Variants in RABGAP1L observed in about 807,000 individuals in gnomAD.
RABGAP1L encodes RAB GTPase activating protein 1 like, also known as rab GTPase-activating protein 1-like.
RABGAP1L carries 63 observed loss-of-function variants against 137.7 expected under a neutral mutation model. That is an observed-to-expected ratio of 0.46 (90% CI 0.37 to 0.56). The LOEUF (loss-of-function observed/expected upper bound fraction) is 0.56, where lower values mean the gene tolerates loss of function less well. RABGAP1L is among the 20% of genes least tolerant of loss of function. RABGAP1L has a pLI of 0.00. For synonymous variants in RABGAP1L, 431 were observed against 433.7 expected, an observed-to-expected ratio of 0.99 and a Z score of 0.08; for missense variants, 1,095 against 1,244.0, an observed-to-expected ratio of 0.88 and a Z score of 1.80.
chr1:174,575,781 G>T (rs1435852433), intron 13 of RABGAP1L, among the ~76,000 whole-genome samples: 3 of 152,158 alleles, frequency 2.0e-5, no homozygotes, highest in Non-Finnish European at 4.4e-5. Context: ...AGATCGGCAG[G>T]TCGATAAATA....
At chr1:174,511,376 T>A (rs1053423678) in intron 13 of RABGAP1L, among the ~76,000 whole-genome samples, 1 of 152,200 alleles carries the variant, frequency 6.6e-6, no homozygotes, top group African/African-American at 2.4e-5. Context: ...GGCTCATAGG[T>A]ATTGCTGAAT....
chr1:174,689,970 A>T (rs571132741), intron 15 of RABGAP1L, among the ~76,000 whole-genome samples: 1 of 152,306 alleles, frequency 6.6e-6, no homozygotes, highest in East Asian at 1.9e-4. Context: ...CTTCCAAATC[A>T]CTTTTCCTTC....
At chr1:174,834,781 T>C (rs1692562428) in intron 19 of RABGAP1L, among the ~76,000 whole-genome samples, 1 of 152,136 alleles carries the variant, frequency 6.6e-6, no homozygotes. Context: ...AGCAATACTA[T>C]ATTGCAAGGC....
At chr1:174,913,957 T>C (rs966739514) in intron 19 of RABGAP1L, among the ~76,000 whole-genome samples, 20 of 152,340 alleles carry the variant, frequency 1.3e-4, no homozygotes, top group African/African-American at 4.8e-4. Context: ...CCAGGATAGA[T>C]TTCCCAGCAT....
rs746568820 is a variant in RABGAP1L at position 174,305,165 on chromosome 1, T to C, written c.1465+38T>C. 2.4e-5 allele frequency: 35 copies of C among 1,475,730 alleles called. 1 individual carries two copies. In the South Asian group the frequency reaches 4.9e-4, roughly 21 times the overall value. 91.4% of individuals were successfully genotyped at this position (1,475,730 alleles called of 1,614,324 possible). A position where few individuals can be genotyped will look rare whatever the true frequency, so the allele number is the denominator to read the frequency against. On this transcript the variant is annotated intron_variant, in intron 11 of 25. Coordinates refer to ENST00000681986, the MANE Select transcript of RABGAP1L (RefSeq NM_001366446.1). ...ACTTACTCAGTTTATTCTGTCTGTA[T>C]AGCTGCTTTACTTACAATCTTCAGA...
At chr1:174,643,062 G>C (rs965931756) in intron 14 of RABGAP1L, among the ~76,000 whole-genome samples, 4 of 152,106 alleles carry the variant, frequency 2.6e-5, no homozygotes, top group African/African-American at 9.7e-5. Context: ...TGGGATTACA[G>C]GCGTGAGCCA....
intron 1 of RABGAP1L, among the ~76,000 whole-genome samples, chr1:174,216,002 A>G (rs1347048076): frequency 6.6e-6 from 1 of 152,214 alleles, no homozygotes; most frequent in Admixed American, 6.5e-5. Context: ...AGCAACATGG[A>G]TGAAAGCAGA....
chr1:174,421,105 C>G (rs1203470459), intron 13 of RABGAP1L, among the ~76,000 whole-genome samples: 1 of 152,156 alleles, frequency 6.6e-6, no homozygotes, highest in Non-Finnish European at 1.5e-5. Flanking sequence ...TTTCTAGGGA[C>G]CCTTCTGGGA....
At chr1:174,624,555 T>G (rs1387609293) in intron 13 of RABGAP1L, among the ~76,000 whole-genome samples, 1 of 152,162 alleles carries the variant, frequency 6.6e-6, no homozygotes, top group Non-Finnish European at 1.5e-5. Context: ...AGTATATTAT[T>G]CAAATATATG....
intron 7 of RABGAP1L, among the ~76,000 whole-genome samples, chr1:174,266,233 GAGA>G (rs961367926): frequency 6.6e-6 from 1 of 152,142 alleles, no homozygotes; most frequent in Non-Finnish European, 1.5e-5. Flanking sequence ...AGATTGTGGG[GAGA>G]AGATTAGCTA....
chr1:174,611,572 G>C (rs1671255984), intron 13 of RABGAP1L, among the ~76,000 whole-genome samples: 1 of 149,214 alleles, frequency 6.7e-6, no homozygotes, highest in African/African-American at 2.5e-5. Context: ...CTTTAAAGTA[G>C]TTTTTTCCAA....
chr1:174,429,015 A>G (rs148618815), intron 13 of RABGAP1L, among the ~76,000 whole-genome samples: 2,241 of 152,278 alleles, frequency 0.015, 24 homozygotes, highest in Non-Finnish European at 0.021. Context: ...GCACTATTAC[A>G]GCTATGTAAA....
chr1:174,604,355 A>G (rs2148184017), intron 13 of RABGAP1L, among the ~76,000 whole-genome samples: 1 of 152,194 alleles, frequency 6.6e-6, no homozygotes, highest in South Asian at 2.1e-4. Flanking sequence ...TCCCACAATC[A>G]CTGTCCTCTC....
At chr1:174,833,301 GAGATC>G (rs1277121104) in intron 19 of RABGAP1L, among the ~76,000 whole-genome samples, 2 of 150,198 alleles carry the variant, frequency 1.3e-5, no homozygotes, top group Non-Finnish European at 1.5e-5. Flanking sequence ...CTAGGTTCAA[GAGATC>G]CTCTCATCAC....
chr1:174,370,509 TAA>T (rs1491246198), intron 11 of RABGAP1L, among the ~76,000 whole-genome samples: 1 of 97,078 alleles, frequency 1.0e-5, no homozygotes, highest in Non-Finnish European at 2.0e-5. Context: ...TTAAGAAACC[TAA>T]CTTTTTTTTT....
At chr1:174,667,284 A>G (rs1414999741) in intron 14 of RABGAP1L, among the ~76,000 whole-genome samples, 1 of 152,186 alleles carries the variant, frequency 6.6e-6, no homozygotes, top group Non-Finnish European at 1.5e-5. Context: ...ATCAGAACAT[A>G]GGTACCCCCA....
rs560609562 is a variant in RABGAP1L at position 174,479,029 on chromosome 1, C to T, written c.1710+84884C>T. ...CCTTAAATATGCTTTGCTGTTTGAC[C>T]GATGTAAAATCATACTCCAGAAACA... On this transcript the variant is annotated intron_variant, in intron 13 of 25. Coordinates refer to ENST00000681986, the MANE Select transcript of RABGAP1L (RefSeq NM_001366446.1). Among the ~76,000 whole-genome samples the T allele has an allele frequency of 2.6e-5, 4 of 152,302 alleles. No individual in the cohort carries two copies. In the South Asian group the frequency reaches 8.3e-4, roughly 32 times the overall value.
intron 13 of RABGAP1L, among the ~76,000 whole-genome samples, chr1:174,443,763 T>G (rs1206625097): frequency 6.6e-6 from 1 of 152,110 alleles, no homozygotes; most frequent in African/African-American, 2.4e-5. Context: ...CCAAAACCAA[T>G]GTCCTGAAGC....
intron 17 of RABGAP1L, among the ~76,000 whole-genome samples, chr1:174,740,993 A>G (rs981669595): frequency 1.0e-4 from 14 of 139,874 alleles, no homozygotes; most frequent in African/African-American, 3.6e-4. Flanking sequence ...ATTTGCAAAT[A>G]TTTTATCCCA....
Sources: allele counts gnomAD v4.1 joint callset (sites outside exome capture counted in the v4.1 genomes callset), GRCh38; gene constraint gnomAD v4.1.1; transcripts MANE v1.5; gene names NCBI Gene and HGNC (gene_info 2026-07-23, HGNC 2026-07-21).